The following PCNT variants were observed in gnomAD, a reference collection of about 807,000 sequenced individuals.
PCNT encodes the protein kendrin.
A neutral mutation model predicts 380.4 loss-of-function variants in PCNT; 319 were observed. That is an observed-to-expected ratio of 0.84 (90% CI 0.77 to 0.92). PCNT has a LOEUF of 0.92. Among genes scored for constraint, PCNT ranks in the 40% least tolerant of loss-of-function variants. The pLI is 0.00. For synonymous variants in PCNT, 1,845 were observed against 1,735.2 expected (o/e 1.06, Z -1.57); for missense variants, 4,400 against 4,255.3 (o/e 1.03, Z -0.95).
At chr21:46,444,586 G>A in intron 45 of PCNT, 108 bp from the exon 46 acceptor site, 1 of 1,215,366 alleles carries the variant, frequency 8.2e-7, no homozygotes, top group Non-Finnish European at 1.2e-6. Flanking sequence ...GGGTCTGGTT[G>A]GCGGGGCTGG....
At chr21:46,331,475 T>C (rs992872040) in intron 2 of PCNT, among the ~76,000 whole-genome samples, 1 of 152,214 alleles carries the variant, frequency 6.6e-6, no homozygotes, top group Non-Finnish European at 1.5e-5. Flanking sequence ...GAAAAATAGT[T>C]GAAACAATGC....
chr21:46,415,526 A>AG (rs1453342823), intron 29 of PCNT, among the ~76,000 whole-genome samples: 1 of 151,918 alleles, frequency 6.6e-6, no homozygotes, highest in Non-Finnish European at 1.5e-5. Flanking sequence ...CTAGGATTAC[A>AG]GGCACCCGCC....
chr21:46,445,428 T>G lies in PCNT; in HGVS notation c.*101T>G, dbSNP rs138450666. Reference sequence around the variant, plus strand: ...TCGTGGGACAGCATGGGCACTACTCTTCATGTGCGGTGACACCAGCCCCCA... The same window carrying G: ...TCGTGGGACAGCATGGGCACTACTCGTCATGTGCGGTGACACCAGCCCCCA... On this transcript the variant is annotated 3_prime_UTR_variant, in exon 47 of 47. Coordinates refer to ENST00000359568, the MANE Select transcript of PCNT (RefSeq NM_006031.6). 3.2e-4 allele frequency: 296 copies of G among 914,774 alleles called. No individual in the cohort carries two copies. In the African/African-American group the frequency reaches 4.3e-3, roughly 13 times the overall value. 56.7% of individuals were successfully genotyped at this position (914,774 alleles called of 1,614,324 possible).
chr21:46,420,050 G>T (rs1214866510), intron 31 of PCNT, among the ~76,000 whole-genome samples: 1 of 152,130 alleles, frequency 6.6e-6, no homozygotes, highest in Non-Finnish European at 1.5e-5. Flanking sequence ...GGAAGGTATC[G>T]CGTGCCTGTC....
At position 46,345,270 on chromosome 21, in the gene PCNT, T is replaced by C. The variant is rs1427526447; in HGVS notation, c.640-858T>C. Reference sequence around the variant, plus strand: ...TCTCGCTCTGTTGCCCAGGATGGAGTGCAGTGGTGTGATCTCAGCTCACTG... The same window carrying C: ...TCTCGCTCTGTTGCCCAGGATGGAGCGCAGTGGTGTGATCTCAGCTCACTG... On this transcript the variant is annotated intron_variant, in intron 3 of 46. Transcript: ENST00000359568. Among the ~76,000 whole-genome samples, 3 of 152,096 alleles carry C rather than the reference T, an allele frequency of 2.0e-5. No individual in the cohort carries two copies. The East Asian group carries it at 5.8e-4, about 29-fold the overall frequency.
At chr21:46,338,869 C>T (rs1180001728) in intron 3 of PCNT, among the ~76,000 whole-genome samples, 1 of 152,166 alleles carries the variant, frequency 6.6e-6, no homozygotes, top group Non-Finnish European at 1.5e-5. Context: ...CAACCTCTGC[C>T]TCCCAGGCTC....
chr21:46,360,667 C>T (rs1047116527), intron 13 of PCNT, among the ~76,000 whole-genome samples: 3 of 151,972 alleles, frequency 2.0e-5, no homozygotes, highest in Non-Finnish European at 4.4e-5. Context: ...TACAGGCGTC[C>T]GCCACCACAC....
At chr21:46,360,115 C>T (rs2084650756) in intron 13 of PCNT, among the ~76,000 whole-genome samples, 1 of 151,928 alleles carries the variant, frequency 6.6e-6, no homozygotes, top group Non-Finnish European at 1.5e-5. Context: ...CCTCGGCCTC[C>T]CAAAGTGCTG....
In PCNT at chr21:46,326,568, A is replaced by G. The variant is rs746890632; in HGVS notation, c.246A>G (p.Ala82=). 3.5e-5 allele frequency: 57 copies of G among 1,613,960 alleles called. No individual in the cohort carries two copies. Among genetic ancestry groups the G allele is most frequent in the Non-Finnish European group, 4.7e-5 (56 of 1,179,930 alleles). The change falls in exon 2 of 47, where the codon GCA becomes GCG. Residue 82 remains alanine (A), a synonymous_variant. Transcript: ENST00000359568. ...STSCDDTPDG[A]GGAFAAQPED... is the part of the protein sequence containing the mutation. ...CATGTGACGACACCCCTGATGGGGC[A>G]GGAGGGGCCTTTGCAGCTCAGGTAG...
intron 15 of PCNT, 46 bp downstream of exon 15, chr21:46,367,185 G>T: frequency 6.5e-7 from 1 of 1,528,240 alleles, no homozygotes; most frequent in Non-Finnish European, 9.0e-7. Flanking sequence ...GCCTCTCCTC[G>T]CTGCCTGTGT....
chr21:46,397,638 G>A (rs1241543427), intron 22 of PCNT, 144 bp downstream of exon 22: 12 of 728,336 alleles, frequency 1.6e-5, no homozygotes, highest in South Asian at 1.3e-4. Flanking sequence ...CACCCAGGTC[G>A]CTGACTCTTG....
At position 46,411,752 on chromosome 21, in the gene PCNT, C is replaced by A. The variant is rs761816773; in HGVS notation, c.5679C>A (p.Ala1893=). The A allele has an allele frequency of 8.1e-6, 13 of 1,610,760 alleles. No individual in the cohort carries two copies. The highest frequency in any genetic ancestry group is 1.1e-5 in the Non-Finnish European group (13 of 1,179,704). The change falls in exon 28 of 47, where the codon GCC becomes GCA. Residue 1893 remains alanine, a synonymous_variant. Transcript: ENST00000359568. ...CGGCCCACTCTGCCGAGCTGGAGGC[C>A]GTCCTGTTGGCCTTGGCCCGCATCC... The part of the protein sequence containing the change: ...RKAAHSAELE[A]VLLALARIRR...
chr21:46,379,255 C>T (rs1219699711), intron 15 of PCNT, among the ~76,000 whole-genome samples: 1 of 137,612 alleles, frequency 7.3e-6, no homozygotes. Flanking sequence ...GAGCTGCGCC[C>T]GTCTTCCTGG....
chr21:46,417,433 C>T (rs1166750356), intron 30 of PCNT, among the ~76,000 whole-genome samples: 1 of 151,972 alleles, frequency 6.6e-6, no homozygotes, highest in Non-Finnish European at 1.5e-5. Context: ...ACCTCATGAT[C>T]CACCCACCTC....
chr21:46,428,641 C>T lies in PCNT; in HGVS notation c.7690+51C>T, dbSNP rs769936403. 6 of 1,455,038 alleles carry T rather than the reference C, an allele frequency of 4.1e-6. No homozygotes were observed. In the South Asian group the frequency reaches 4.8e-5, roughly 12 times the overall value. 90.1% of individuals were successfully genotyped at this position (1,455,038 alleles called of 1,614,324 possible). On this transcript the variant is annotated intron_variant, in intron 35 of 46. Transcript: ENST00000359568. ...GGGGCCCGGCCTCTGCACCTGCCCG[C>T]CCGACACTCACCTGTGTGGCCTTGG...
In PCNT at chr21:46,443,940, TG is replaced by T. The variant is rs2053680587; in HGVS notation, c.9836del (p.Gly3279GlufsTer11). The T allele has an allele frequency of 5.0e-6, 8 of 1,612,016 alleles. No homozygotes were observed. Among genetic ancestry groups the T allele is most frequent in the African/African-American group, 2.7e-5 (2 of 74,848 alleles). ...RLAAAASPHS[G>X]GRATPSPNSR... ...TGGCAGCAGCAGCCTCCCCACACAG[TG>T]GGGGAAGGTCAGTGTGATGCCTTCA... On this transcript the variant is annotated frameshift_variant, in exon 45 of 47. Transcript: ENST00000359568. LOFTEE classifies it high-confidence loss of function.
At chr21:46,421,826 C>T (rs2087263440) in intron 31 of PCNT, 144 bp from the exon 32 acceptor site, 2 of 901,616 alleles carry the variant, frequency 2.2e-6, no homozygotes, top group East Asian at 2.4e-5. Context: ...TTGGGGCCAT[C>T]AGTGTTTTCT....
At chr21:46,409,914 T>G (rs1311189220) in intron 27 of PCNT, among the ~76,000 whole-genome samples, 1 of 152,176 alleles carries the variant, frequency 6.6e-6, no homozygotes, top group Non-Finnish European at 1.5e-5. Flanking sequence ...GATTTCAGGT[T>G]TTGGTGTTTT....
intron 3 of PCNT, among the ~76,000 whole-genome samples, chr21:46,342,265 GC>G (rs1259503341): frequency 1.3e-5 from 2 of 151,900 alleles, no homozygotes; most frequent in African/African-American, 2.4e-5. Flanking sequence ...CACAACTGCG[GC>G]CAGCTAATTT....
Sources: gnomAD v4.1 joint callset for allele counts (sites outside exome capture counted in the v4.1 genomes callset) on GRCh38, gnomAD v4.1.1 for gene constraint, MANE v1.5 for transcripts, NCBI Gene and HGNC (gene_info 2026-07-23, HGNC 2026-07-21) for gene names.